SNTB1: variants seen among roughly 807,000 people sequenced by gnomAD.
SNTB1 encodes the protein syntrophin beta 1.
Under a neutral mutation model 48.9 loss-of-function variants are expected in SNTB1, and 36 were observed. The observed-to-expected ratio is 0.74, with a 90% CI of 0.56 to 0.97. SNTB1 has a LOEUF of 0.97. Ranked by LOEUF, SNTB1 falls within the 50% of genes least tolerant of loss-of-function variation. The probability of loss-of-function intolerance (pLI) is 0.00; values close to 1 mark genes in which losing one functional copy is unlikely to be tolerated. For missense variants in SNTB1, 786 were observed against 703.4 expected, an observed-to-expected ratio of 1.12 and a Z score of -1.33; for synonymous variants, 299 against 294.6, an observed-to-expected ratio of 1.01 and a Z score of -0.15.
intron 2 of SNTB1, among the ~76,000 whole-genome samples, chr8:120,652,879 A>G (rs1587065142): frequency 6.6e-6 from 1 of 152,236 alleles, no homozygotes; most frequent in Non-Finnish European, 1.5e-5. Context: ...CCTATTATCT[A>G]TAGCTATAGG....
At chr8:120,648,252 T>C (rs1817337436) in intron 2 of SNTB1, among the ~76,000 whole-genome samples, 1 of 136,422 alleles carries the variant, frequency 7.3e-6, no homozygotes, top group Non-Finnish European at 1.6e-5. Context: ...ATGCAGTTTC[T>C]TCCTAGTCTC....
chr8:120,608,045 G>A (rs1203315272), intron 3 of SNTB1, among the ~76,000 whole-genome samples: 2 of 152,206 alleles, frequency 1.3e-5, no homozygotes, highest in African/African-American at 4.8e-5. Flanking sequence ...GAAACCGCAA[G>A]CTTGGTAATT....
Position 120,632,671 on chromosome 8 carries a change from A to G in SNTB1, c.789-20T>C, listed in dbSNP as rs779781529. ...AGCTGCCTAGAGGAGCACAGAGAGA[A>G]GGGTTAGAAAGTTTCCTGGCAGGTC... On this transcript the variant is annotated intron_variant, in intron 2 of 6. Coordinates refer to ENST00000517992, the MANE Select transcript of SNTB1 (RefSeq NM_021021.4). 6.2e-7 allele frequency: 1 copy of G among 1,610,634 alleles called. No homozygotes were observed. The highest frequency in any genetic ancestry group is 1.1e-5 in the South Asian group (1 of 90,912).
intron 1 of SNTB1, among the ~76,000 whole-genome samples, chr8:120,806,687 A>G (rs1024938878): frequency 6.6e-6 from 1 of 152,170 alleles, no homozygotes; most frequent in Non-Finnish European, 1.5e-5. Flanking sequence ...CCAGCTCCCT[A>G]TGCTTTCCAG....
At chr8:120,584,438 C>CAAAAA (rs11443743) in intron 3 of SNTB1, among the ~76,000 whole-genome samples, 1,336 of 56,694 alleles carry the variant, frequency 0.024, 206 homozygotes, top group African/African-American at 0.08. Context: ...AACTCCATCT[C>CAAAAA]AAAAAAAAAA....
intron 2 of SNTB1, among the ~76,000 whole-genome samples, chr8:120,672,198 G>T (rs1817769642): frequency 6.6e-6 from 1 of 152,166 alleles, no homozygotes; most frequent in African/African-American, 2.4e-5. Context: ...TAGGGTAGGT[G>T]TATTAAATGC....
intron 1 of SNTB1, among the ~76,000 whole-genome samples, chr8:120,800,850 AGCCTGATTTAGCTAATAAT>A (rs199747511): frequency 0.023 from 3,486 of 152,174 alleles, 123 homozygotes; most frequent in African/African-American, 0.08. Flanking sequence ...TTGTAAACAT[AGCCTGATTTAGCTAATAAT>A]GCCTAGAATT....
intron 1 of SNTB1, among the ~76,000 whole-genome samples, chr8:120,754,504 A>G (rs370260369): frequency 5.9e-5 from 9 of 152,210 alleles, no homozygotes; most frequent in African/African-American, 2.2e-4. Context: ...GAAGAAGAAG[A>G]AAAAGAAATC....
At chr8:120,790,071 A>G (rs1819999115) in intron 1 of SNTB1, among the ~76,000 whole-genome samples, 1 of 152,042 alleles carries the variant, frequency 6.6e-6, no homozygotes, top group Non-Finnish European at 1.5e-5. Flanking sequence ...CCAGGGATGG[A>G]GGCCTGTTTC....
intron 4 of SNTB1, among the ~76,000 whole-genome samples, chr8:120,574,465 A>G (rs1021144544): frequency 6.6e-6 from 1 of 152,180 alleles, no homozygotes; most frequent in African/African-American, 2.4e-5. Context: ...ATAGGTGTAT[A>G]TTTATCTCCA....
chr8:120,594,033 C>T (rs1242354765), intron 3 of SNTB1, among the ~76,000 whole-genome samples: 56 of 151,982 alleles, frequency 3.7e-4, no homozygotes, highest in East Asian at 1.9e-4. Flanking sequence ...CATATCTCTT[C>T]TAAGGAGCTC....
chr8:120,602,982 C>T (rs1235195347), intron 3 of SNTB1, among the ~76,000 whole-genome samples: 4 of 151,824 alleles, frequency 2.6e-5, no homozygotes, highest in African/African-American at 9.7e-5. Context: ...TATATACCAC[C>T]ATATTATCTC....
At chr8:120,646,675 C>A (rs1587059963) in intron 2 of SNTB1, among the ~76,000 whole-genome samples, 1 of 151,660 alleles carries the variant, frequency 6.6e-6, no homozygotes, top group African/African-American at 2.4e-5. Flanking sequence ...TGATGCTGGC[C>A]TCATAAAATG....
At chr8:120,750,058 A>G (rs1819184810) in intron 1 of SNTB1, among the ~76,000 whole-genome samples, 1 of 152,154 alleles carries the variant, frequency 6.6e-6, no homozygotes, top group Non-Finnish European at 1.5e-5. Flanking sequence ...AGCTTGGTTG[A>G]GCTTGCAAGG....
chr8:120,668,042 G>T (rs993516286), intron 2 of SNTB1, among the ~76,000 whole-genome samples: 1 of 151,878 alleles, frequency 6.6e-6, no homozygotes, highest in Non-Finnish European at 1.5e-5. Flanking sequence ...TACACTGATC[G>T]GTTCTCAGCT....
chr8:120,769,094 G>A (rs1282763656), intron 1 of SNTB1: 1 of 152,142 alleles, frequency 6.6e-6, no homozygotes, highest in African/African-American at 2.4e-5. Flanking sequence ...TTCCAGACAA[G>A]GCATCTGACG....
intron 4 of SNTB1, among the ~76,000 whole-genome samples, chr8:120,557,665 T>C (rs1187330361): frequency 6.6e-6 from 1 of 152,212 alleles, no homozygotes; most frequent in Non-Finnish European, 1.5e-5. Flanking sequence ...TTTACCTTAC[T>C]GTTTCATAAT....
chr8:120,708,622 T>C (rs1191242059), intron 1 of SNTB1, among the ~76,000 whole-genome samples: 3 of 152,082 alleles, frequency 2.0e-5, no homozygotes, highest in Admixed American at 1.3e-4. Context: ...CATGACCAAG[T>C]TTGGACTGGT....
At chr8:120,556,327 G>A (rs186110520) in intron 4 of SNTB1, among the ~76,000 whole-genome samples, 9 of 152,224 alleles carry the variant, frequency 5.9e-5, no homozygotes, top group African/African-American at 1.9e-4. Flanking sequence ...GGAGCAACCC[G>A]ATCATTATAA....
Sources: gnomAD v4.1 joint callset for allele counts (sites outside exome capture counted in the v4.1 genomes callset) on GRCh38, gnomAD v4.1.1 for gene constraint, MANE v1.5 for transcripts, NCBI Gene and HGNC (gene_info 2026-07-23, HGNC 2026-07-21) for gene names.